The following DPYD variants were observed in gnomAD, a reference collection of about 807,000 sequenced individuals.
DPYD encodes the protein dihydropyrimidine dehydrogenase.
Under a neutral mutation model 116.2 loss-of-function variants are expected in DPYD, and 109 were observed. The observed-to-expected ratio is 0.94, with a 90% CI of 0.80 to 1.10. The LOEUF (loss-of-function observed/expected upper bound fraction) is 1.10, where lower values mean the gene tolerates loss of function less well. Among genes scored for constraint, DPYD ranks in the 50% least tolerant of loss-of-function variants. The probability of loss-of-function intolerance (pLI) is 0.00; values close to 1 mark genes in which losing one functional copy is unlikely to be tolerated. For synonymous variants in DPYD, 440 were observed against 432.0 expected (o/e 1.02, Z -0.23); for missense variants, 1,302 against 1,254.5 (o/e 1.04, Z -0.57).
At chr1:97,614,921 C>T (rs1656173701) in intron 8 of DPYD, among the ~76,000 whole-genome samples, 1 of 151,990 alleles carries the variant, frequency 6.6e-6, no homozygotes, top group Non-Finnish European at 1.5e-5. Flanking sequence ...CAATCAAAGC[C>T]GCCTCTTTTC....
At chr1:97,149,347 G>C (rs1258947271) in intron 20 of DPYD, among the ~76,000 whole-genome samples, 1 of 152,144 alleles carries the variant, frequency 6.6e-6, no homozygotes, top group Admixed American at 6.5e-5. Flanking sequence ...TGCCTCCTGG[G>C]TTCAAGTGGA....
chr1:97,678,505 C>T (rs534420960), intron 8 of DPYD, among the ~76,000 whole-genome samples: 1 of 152,282 alleles, frequency 6.6e-6, no homozygotes, highest in Admixed American at 6.5e-5. Flanking sequence ...TCTCTCTGGT[C>T]TCTCAGTAAA....
intron 7 of DPYD, among the ~76,000 whole-genome samples, chr1:97,688,378 C>G (rs1392159912): frequency 6.6e-6 from 1 of 151,826 alleles, no homozygotes; most frequent in East Asian, 1.9e-4. Flanking sequence ...TAAATTTTTG[C>G]TAATAAATTC....
rs111280550 is a variant in DPYD at position 97,834,670 on chromosome 1, C to T, written c.151-6474G>A. Among the ~76,000 whole-genome samples, 610 of 151,828 alleles carry T rather than the reference C, an allele frequency of 4.0e-3. 5 individuals are homozygous for T. Among genetic ancestry groups the T allele is most frequent in the African/African-American group, 0.014 (580 of 41,448 alleles). ...CAGTTCAATGTTGGTTACTACAAAG[C>T]TTTTCTTTAGGACATAAAGTAAATT... On this transcript the variant is annotated intron_variant, in intron 2 of 22. Coordinates refer to ENST00000370192, the MANE Select transcript of DPYD (RefSeq NM_000110.4).
chr1:97,800,551 T>G (rs1049364099), intron 3 of DPYD, among the ~76,000 whole-genome samples: 1 of 151,902 alleles, frequency 6.6e-6, no homozygotes, highest in Non-Finnish European at 1.5e-5. Context: ...TCATTAAAAC[T>G]TTCCTCTTTC....
At chr1:97,097,038 G>A (rs999463647) in intron 21 of DPYD, among the ~76,000 whole-genome samples, 5 of 152,144 alleles carry the variant, frequency 3.3e-5, no homozygotes, top group Non-Finnish European at 5.9e-5. Context: ...TTGGCAAAAA[G>A]GCTCGTGAAG....
chr1:97,674,671 AG>A (rs1571169666), intron 8 of DPYD, among the ~76,000 whole-genome samples: 1 of 151,708 alleles, frequency 6.6e-6, no homozygotes, highest in African/African-American at 2.4e-5. Flanking sequence ...AAAAAAAAAA[AG>A]GAACTATACC....
chr1:97,099,796 A>C (rs1650534399), intron 20 of DPYD, among the ~76,000 whole-genome samples: 1 of 152,052 alleles, frequency 6.6e-6, no homozygotes, highest in South Asian at 2.1e-4. Flanking sequence ...ACGCCCCAGG[A>C]AAATGAGTTC....
intron 14 of DPYD, among the ~76,000 whole-genome samples, chr1:97,391,412 T>G (rs1252336329): frequency 6.6e-6 from 1 of 152,052 alleles, no homozygotes; most frequent in Admixed American, 6.6e-5. Context: ...AATACCTATC[T>G]TTGTCGCCCA....
At chr1:97,778,865 A>G (rs1666573958) in intron 3 of DPYD, among the ~76,000 whole-genome samples, 1 of 152,182 alleles carries the variant, frequency 6.6e-6, no homozygotes, top group Admixed American at 6.5e-5. Flanking sequence ...TTTCATACAG[A>G]GCTCAAACTA....
chr1:97,832,995 G>GAAAAAAAAAAAA (rs1161903108), intron 2 of DPYD, among the ~76,000 whole-genome samples: 2 of 59,010 alleles, frequency 3.4e-5, no homozygotes, highest in Admixed American at 1.8e-4. Flanking sequence ...AAGAGGCAAA[G>GAAAAAAAAAAAA]AAAAAAAAAA....
At chr1:97,167,295 T>A (rs2101759710) in intron 20 of DPYD, among the ~76,000 whole-genome samples, 1 of 152,302 alleles carries the variant, frequency 6.6e-6, no homozygotes, top group East Asian at 1.9e-4. Context: ...TTTAGTGTGC[T>A]GGCATTAGAT....
chr1:97,463,268 A>C (rs1677121989), intron 13 of DPYD, among the ~76,000 whole-genome samples: 1 of 152,200 alleles, frequency 6.6e-6, no homozygotes, highest in African/African-American at 2.4e-5. Context: ...CATGATAGTG[A>C]ATAAGTCTCA....
intron 11 of DPYD, among the ~76,000 whole-genome samples, chr1:97,554,827 T>A (rs115936176): frequency 1.3e-3 from 193 of 152,252 alleles, no homozygotes; most frequent in African/African-American, 4.3e-3. Context: ...TCTGCCAGTC[T>A]CTCAGAAGAT....
At chr1:97,617,101 T>C (rs1218442737) in intron 8 of DPYD, among the ~76,000 whole-genome samples, 1 of 152,016 alleles carries the variant, frequency 6.6e-6, no homozygotes. Flanking sequence ...GCTAGGAAAA[T>C]TCTCTTTCTT....
intron 3 of DPYD, among the ~76,000 whole-genome samples, chr1:97,796,021 T>C (rs568185683): frequency 7.9e-5 from 12 of 152,168 alleles, no homozygotes; most frequent in African/African-American, 2.9e-4. Flanking sequence ...AAACTTGTAT[T>C]GTACAGCTGA....
chr1:97,671,190 TAG>T (rs1659843219), intron 8 of DPYD, among the ~76,000 whole-genome samples: 1 of 152,116 alleles, frequency 6.6e-6, no homozygotes, highest in Non-Finnish European at 1.5e-5. Context: ...TAGGGTTAAT[TAG>T]AGTTAATAAT....
intron 14 of DPYD, among the ~76,000 whole-genome samples, chr1:97,411,358 C>A (rs1488026706): frequency 6.6e-6 from 1 of 151,950 alleles, no homozygotes; most frequent in African/African-American, 2.4e-5. Flanking sequence ...TTTCTGCTCT[C>A]CTTCCTCCCA....
chr1:97,577,373 A>G (rs1252278914), intron 10 of DPYD, among the ~76,000 whole-genome samples: 1 of 152,204 alleles, frequency 6.6e-6, no homozygotes, highest in Non-Finnish European at 1.5e-5. Context: ...TGGACTGTGC[A>G]GACACACCAC....
Sources: allele counts gnomAD v4.1 joint callset (sites outside exome capture counted in the v4.1 genomes callset), GRCh38; gene constraint gnomAD v4.1.1; transcripts MANE v1.5; gene names NCBI Gene and HGNC (gene_info 2026-07-23, HGNC 2026-07-21).